TRPM3: variants seen among roughly 807,000 people sequenced by gnomAD.
TRPM3 encodes transient receptor potential cation channel subfamily M member 3.
TRPM3 carries 77 observed loss-of-function variants against 181.2 expected under a neutral mutation model. The observed-to-expected ratio is 0.42, with a 90% CI of 0.35 to 0.51. TRPM3 has a LOEUF of 0.51. Ranked by LOEUF, TRPM3 falls within the 20% of genes least tolerant of loss-of-function variation. TRPM3 has a pLI of 0.01. For missense variants in TRPM3, 1,759 were observed against 2,196.7 expected (o/e 0.80, Z 3.98); for synonymous variants, 745 against 796.4 (o/e 0.94, Z 1.09).
chr9:71,026,702 G>A (rs1332757916), intron 1 of TRPM3, among the ~76,000 whole-genome samples: 1 of 152,126 alleles, frequency 6.6e-6, no homozygotes, highest in African/African-American at 2.4e-5. Flanking sequence ...CCCCTGTGCT[G>A]ACGCTGACAC....
chr9:71,425,554 C>A (rs550964405), intron 1 of TRPM3, among the ~76,000 whole-genome samples: 2 of 152,236 alleles, frequency 1.3e-5, no homozygotes, highest in South Asian at 4.1e-4. Flanking sequence ...CATTTCTTCC[C>A]ATCTCCACTG....
intron 1 of TRPM3, among the ~76,000 whole-genome samples, chr9:71,412,693 T>C (rs1271375457): frequency 1.3e-5 from 2 of 152,190 alleles, no homozygotes; most frequent in Non-Finnish European, 2.9e-5. Context: ...AGTGTGGTGA[T>C]TCCTCAAGGA....
At chr9:71,229,589 A>G (rs1335649121) in intron 1 of TRPM3, among the ~76,000 whole-genome samples, 1 of 152,184 alleles carries the variant, frequency 6.6e-6, no homozygotes, top group Non-Finnish European at 1.5e-5. Context: ...ACCAGACTAT[A>G]CAAGGAACTC....
At chr9:70,641,284 C>A (rs1287553770) in intron 9 of TRPM3, among the ~76,000 whole-genome samples, 5 of 152,158 alleles carry the variant, frequency 3.3e-5, no homozygotes, top group Non-Finnish European at 5.9e-5. Flanking sequence ...TTCACAAGAT[C>A]CCAGATGACT....
intron 1 of TRPM3, among the ~76,000 whole-genome samples, chr9:71,079,346 TG>T (rs1300333113): frequency 6.6e-6 from 1 of 152,170 alleles, no homozygotes; most frequent in East Asian, 1.9e-4. Context: ...TAGCATTCTG[TG>T]CTGTTCCCTC....
intron 1 of TRPM3, among the ~76,000 whole-genome samples, chr9:71,104,418 A>G (rs895519716): frequency 2.6e-5 from 4 of 152,216 alleles, no homozygotes; most frequent in Admixed American, 1.3e-4. Context: ...CAGCAAAAAC[A>G]TATCGAATGC....
intron 1 of TRPM3, among the ~76,000 whole-genome samples, chr9:71,288,792 C>G (rs1034281130): frequency 1.3e-5 from 2 of 152,004 alleles, no homozygotes; most frequent in Non-Finnish European, 2.9e-5. Flanking sequence ...GAGGGCCCAA[C>G]AGATAGGCAG....
chr9:71,148,015 C>T (rs538214114), intron 1 of TRPM3, among the ~76,000 whole-genome samples: 48 of 152,120 alleles, frequency 3.2e-4, no homozygotes, highest in African/African-American at 1.1e-3. Flanking sequence ...CTCCTTCCTT[C>T]CTCTCATGGT....
intron 1 of TRPM3, among the ~76,000 whole-genome samples, chr9:70,941,383 C>G (rs749042679): frequency 7.9e-5 from 12 of 152,118 alleles, no homozygotes; most frequent in Non-Finnish European, 1.3e-4. Flanking sequence ...AGTGATTTGC[C>G]AAGGGCTCTC....
At chr9:70,980,887 C>T (rs908917968) in intron 1 of TRPM3, among the ~76,000 whole-genome samples, 4 of 152,190 alleles carry the variant, frequency 2.6e-5, no homozygotes, top group Admixed American at 6.5e-5. Flanking sequence ...CTTCTCCCCA[C>T]CTTTCCATCC....
chr9:71,033,989 C>G (rs1041722585), intron 1 of TRPM3, among the ~76,000 whole-genome samples: 1 of 152,128 alleles, frequency 6.6e-6, no homozygotes, highest in African/African-American at 2.4e-5. Context: ...CTAACACGCA[C>G]ATCTTAGGGA....
At chr9:71,116,714 G>A (rs373031047) in intron 1 of TRPM3, among the ~76,000 whole-genome samples, 2 of 151,840 alleles carry the variant, frequency 1.3e-5, no homozygotes, top group African/African-American at 4.8e-5. Context: ...AAAAATAAGA[G>A]TTTGGGCTTT....
chr9:71,321,407 A>G (rs1405350647), intron 1 of TRPM3, among the ~76,000 whole-genome samples: 1 of 152,146 alleles, frequency 6.6e-6, no homozygotes, highest in Non-Finnish European at 1.5e-5. Context: ...CCTAAAGCAA[A>G]AGCTTATGTC....
intron 1 of TRPM3, among the ~76,000 whole-genome samples, chr9:70,921,938 A>AC (rs2096659366): frequency 0.012 from 906 of 72,810 alleles, 3 homozygotes; most frequent in African/African-American, 0.033. Flanking sequence ...CACACACACA[A>AC]ACAAACACAC....
chr9:70,691,291 C>T (rs1381555891), intron 8 of TRPM3, among the ~76,000 whole-genome samples: 1 of 151,974 alleles, frequency 6.6e-6, no homozygotes, highest in Admixed American at 6.6e-5. Context: ...TCTAGTATGT[C>T]TTATAAGACT....
Position 70,959,044 on chromosome 9 carries a change from C to T in TRPM3, c.178-94533G>A, listed in dbSNP as rs929158737. On this transcript the variant is annotated intron_variant, in intron 1 of 25. Coordinates refer to ENST00000677713, the MANE Select transcript of TRPM3 (RefSeq NM_001366145.2). Reference sequence around the variant, plus strand: ...GGGAGGGATAGCATTAGGAGATATACCTAATGCTAAACGACGAGTTAATGG... The same window carrying T: ...GGGAGGGATAGCATTAGGAGATATATCTAATGCTAAACGACGAGTTAATGG... 1.2e-3 allele frequency among the ~76,000 whole-genome samples: 175 copies of T among 151,318 alleles called. 1 individual carries two copies. Among genetic ancestry groups the T allele is most frequent in the African/African-American group, 4.0e-3 (166 of 41,130 alleles).
At position 70,639,101 on chromosome 9, in the gene TRPM3, G is replaced by A. The variant is rs775474521; in HGVS notation, c.1540C>T (p.Arg514Cys). ...TCTAGTCTGGAGATGGTGAGAAAAC[G>A]GTGCATGCTTACTCCATTCTCTATG... ...LLIENGVSMHRFLTISRLEEL... is the reference protein window; with the variant it reads ...LLIENGVSMHCFLTISRLEEL... The change falls in exon 11 of 26, where the codon CGT becomes TGT. Residue 514 changes from arginine to cysteine, a missense_variant. Physicochemically the swap from Arg to Cys is radical, Grantham distance 180. Around this residue, in one of 8 missense-constraint regions of TRPM3, gnomAD observed 737 missense variants for 957.4 expected, o/e 0.77. Coordinates refer to ENST00000677713, the MANE Select transcript of TRPM3 (RefSeq NM_001366145.2). 34 of 1,613,898 alleles carry A rather than the reference G, an allele frequency of 2.1e-5. 1 individual carries two copies. The highest frequency in any genetic ancestry group is 1.7e-4 in the Middle Eastern group (1 of 6,058).
intron 1 of TRPM3, among the ~76,000 whole-genome samples, chr9:71,160,027 C>T (rs1217517353): frequency 6.6e-6 from 1 of 152,090 alleles, no homozygotes; most frequent in Non-Finnish European, 1.5e-5. Context: ...CCCTACAACC[C>T]CACTACACAT....
At position 71,033,145 on chromosome 9, in the gene TRPM3, A is replaced by G. The variant is rs530753792; in HGVS notation, c.177+88033T>C. ...GGTATTTAAAAAGAAAGGGTCCTAG[A>G]TGGTTGGGGCTTGTAGCCCTTAAAG... On this transcript the variant is annotated intron_variant, in intron 1 of 25. Transcript: ENST00000677713. 3.9e-5 allele frequency among the ~76,000 whole-genome samples: 6 copies of G among 152,308 alleles called. No homozygotes were observed. In the East Asian group the frequency reaches 9.7e-4, roughly 25 times the overall value.
Sources: gnomAD v4.1 joint callset for allele counts (sites outside exome capture counted in the v4.1 genomes callset) on GRCh38, gnomAD v4.1.1 for gene constraint, gnomAD v4.1.1 regional missense constraint, MANE v1.5 for transcripts, NCBI Gene and HGNC (gene_info 2026-07-23, HGNC 2026-07-21) for gene names.